The following PLEKHG2 variants were observed in gnomAD, a reference collection of about 807,000 sequenced individuals.
PLEKHG2 encodes pleckstrin homology and RhoGEF domain containing G2.
A neutral mutation model predicts 104.4 loss-of-function variants in PLEKHG2; 71 were observed. The observed-to-expected ratio is 0.68, with a 90% CI of 0.56 to 0.83. PLEKHG2 has a LOEUF of 0.83. PLEKHG2 is among the 40% of genes least tolerant of loss of function. The pLI is 0.00. For synonymous variants in PLEKHG2, 728 were observed against 737.0 expected (o/e 0.99, Z 0.20); for missense variants, 1,730 against 1,809.4 (o/e 0.96, Z 0.80).
At position 39,424,261 on chromosome 19, in the gene PLEKHG2, G is replaced by A; in HGVS notation, c.3128G>A (p.Gly1043Asp). 2 of 1,614,168 alleles carry A rather than the reference G, an allele frequency of 1.2e-6. No individual in the cohort carries two copies. Among genetic ancestry groups the A allele is most frequent in the South Asian group, 1.1e-5 (1 of 91,086 alleles). Residue 1043 changes from glycine (G) to aspartate (D), a missense_variant, in exon 19 of 19, where the codon GGT becomes GAT. Physicochemically the swap from Gly to Asp is moderately conservative, Grantham distance 94. Coordinates refer to ENST00000425673, the MANE Select transcript of PLEKHG2 (RefSeq NM_022835.3). ...SVTTPVPKQEGHLDSESPTNI... is the reference protein window; with the variant it reads ...SVTTPVPKQEDHLDSESPTNI... ...ACCACCCCTGTGCCCAAGCAAGAAG[G>A]TCACCTAGACAGCGAGAGCCCAACC...
rs111487768 is a variant in PLEKHG2 at position 39,423,362 on chromosome 19, G to A, written c.2308G>A (p.Ala770Thr). The change falls in exon 18 of 19, where the codon GCC (alanine) becomes ACC (threonine). Residue 770 changes from alanine (A) to threonine (T), a missense_variant. By Grantham distance (58) the Ala-to-Thr change is moderately conservative. Transcript: ENST00000425673. Reference protein sequence around the residue: ...AFRSCSEIRSAWQALEQGQLA... With the variant: ...AFRSCSEIRSTWQALEQGQLA... ...CCGCTCTTGCTCAGAAATCCGGAGC[G>A]CCTGGCAGGCATTGGAACAGGGACA... 13,982 of 1,613,334 alleles carry A rather than the reference G, an allele frequency of 8.7e-3. 84 individuals are homozygous for A. The highest frequency in any genetic ancestry group is 0.01 in the Non-Finnish European group (11,943 of 1,179,548).
Position 39,423,507 on chromosome 19 carries a change from G to T in PLEKHG2, c.2453G>T (p.Arg818Leu), listed in dbSNP as rs376239611. The change falls in exon 18 of 19, where the codon CGA (arginine) becomes CTA (leucine). Residue 818 changes from arginine to leucine, a missense_variant. Coordinates refer to ENST00000425673, the MANE Select transcript of PLEKHG2 (RefSeq NM_022835.3). The stretch of plus-strand genomic sequence containing the variant: ...TCAGAAAGGACGGCGTCCCGAGTGC[G>T]AGAGCTGGCCCGGCTTTACAGCGAG... Reference protein sequence around the residue: ...PSSERTASRVRELARLYSERI... With the variant: ...PSSERTASRVLELARLYSERI... 1.3e-6 allele frequency: 2 copies of T among 1,580,322 alleles called. No individual in the cohort carries two copies. The highest frequency in any genetic ancestry group is 1.7e-6 in the Non-Finnish European group (2 of 1,161,280).
chr19:39,414,724 G>A (rs890373928), intron 2 of PLEKHG2, among the ~76,000 whole-genome samples: 8 of 152,272 alleles, frequency 5.3e-5, no homozygotes, highest in African/African-American at 1.9e-4. Flanking sequence ...ACACTCACGG[G>A]AGTAATACAG....
rs766629706 is a variant in PLEKHG2 at position 39,424,432 on chromosome 19, A to T, written c.3299A>T (p.His1100Leu). ...GACACCCTACCACCCTTGCCATGTC[A>T]CCTCCCAGACCTTCAGATTCCAGGT... Reference protein sequence around the residue: ...PGDTLPPLPCHLPDLQIPGTS... With the variant: ...PGDTLPPLPCLLPDLQIPGTS... The change falls in exon 19 of 19, where the codon CAC becomes CTC. Residue 1100 changes from histidine (H) to leucine (L), a missense_variant. Physicochemically the swap from His to Leu is moderately conservative, Grantham distance 99. Coordinates refer to ENST00000425673, the MANE Select transcript of PLEKHG2 (RefSeq NM_022835.3). 6.2e-7 allele frequency: 1 copy of T among 1,613,590 alleles called. No individual in the cohort carries two copies. Among genetic ancestry groups the T allele is most frequent in the Admixed American group, 1.7e-5 (1 of 59,942 alleles).
chr19:39,415,140 C>A lies in PLEKHG2; in HGVS notation c.258C>A (p.Arg86=). The A allele has an allele frequency of 6.2e-7, 1 of 1,600,804 alleles. No individual in the cohort carries two copies. The change falls in exon 3 of 19, where the codon CGC becomes CGA. Residue 86 remains arginine, a synonymous_variant. Coordinates refer to ENST00000425673, the MANE Select transcript of PLEKHG2 (RefSeq NM_022835.3). The surrounding 1 kb of genome is among the most constrained non-coding windows in gnomAD (Gnocchi z 4.6). ...RPEPLPGPPI[R]LHLSPVGIPG... is the part of the protein sequence containing the mutation. ...AGCCCCTTCCAGGGCCTCCCATCCG[C>A]CTACATCTCTCTCCGGTGGGGATCC...
At chr19:39,422,361 C>A in intron 17 of PLEKHG2, 73 bp downstream of exon 17, 3 of 1,470,826 alleles carry the variant, frequency 2.0e-6, no homozygotes, top group South Asian at 1.3e-5. Context: ...CCAGATAGGC[C>A]AGCCCATGCT....
chr19:39,416,736 C>A lies in PLEKHG2; in HGVS notation c.594-114C>A. ...GTGACAGTAACTGACCTCTCCCTCA[C>A]TGCCCCGCCCCCTGTCAGACCCTGA... is the stretch of plus-strand genomic sequence containing the variant. On this transcript the variant is annotated intron_variant, in intron 6 of 18. Transcript: ENST00000425673. This position sits in a 1 kb window ranked among gnomAD's most constrained non-coding sequence, Gnocchi z 4.5. 1.4e-6 allele frequency: 2 copies of A among 1,466,352 alleles called. No homozygotes were observed. Among genetic ancestry groups the A allele is most frequent in the South Asian group, 1.2e-5 (1 of 80,336 alleles). The allele number at this position is 1,466,352 out of a possible 1,614,324, so 90.8% of individuals were successfully genotyped here. A position where few individuals can be genotyped will look rare whatever the true frequency, so the allele number is the denominator to read the frequency against.
In PLEKHG2 at chr19:39,413,535, G is replaced by A. The variant is rs1334805248; in HGVS notation, c.-23+123G>A. ...CCGGCGGGAGTTGGGGGCTGGAGGG[G>A]TGTGGGAAGGCGCTGGGGAGGCTGT... On this transcript the variant is annotated intron_variant, in intron 1 of 18. Coordinates refer to ENST00000425673, the MANE Select transcript of PLEKHG2 (RefSeq NM_022835.3). The surrounding 1 kb of genome is among the most constrained non-coding windows in gnomAD (Gnocchi z 4.5). 1 of 152,354 alleles carries A rather than the reference G, an allele frequency of 6.6e-6. No individual in the cohort carries two copies. Among genetic ancestry groups the A allele is most frequent in the African/African-American group, 2.4e-5 (1 of 41,422 alleles). 9.4% of individuals were successfully genotyped at this position (152,354 alleles called of 1,614,324 possible). A position where few individuals can be genotyped will look rare whatever the true frequency, so the allele number is the denominator to read the frequency against.
At chr19:39,417,355 G>T (rs2078622738) in intron 7 of PLEKHG2, among the ~76,000 whole-genome samples, 200 bp from the exon 8 acceptor site, 1 of 151,586 alleles carries the variant, frequency 6.6e-6, no homozygotes, top group South Asian at 2.1e-4. Context: ...GTTTCACTAC[G>T]TTGGCCGGGC....
chr19:39,422,959 T>G lies in PLEKHG2; in HGVS notation c.1905T>G (p.Ile635Met), dbSNP rs931147278. Residue 635 changes from isoleucine (I) to methionine (M), a missense_variant, in exon 18 of 19, where the codon ATT becomes ATG. Ile to Met is a conservative substitution (Grantham distance 10). Transcript: ENST00000425673. ...CCAGCATTCCCTGCCTTACCAAAAT[T>G]CCTGACGTGCCCAACCTTCCTGAAA... is the stretch of plus-strand genomic sequence containing the variant. ...EMPSIPCLTK[I>M]PDVPNLPEIP... is the part of the protein sequence containing the mutation. The G allele has an allele frequency of 6.2e-7, 1 of 1,614,008 alleles. No individual in the cohort carries two copies. Among genetic ancestry groups the G allele is most frequent in the African/African-American group, 1.3e-5 (1 of 74,912 alleles).
chr19:39,427,823 G>A lies in PLEKHG2; in HGVS notation c.*2529G>A, dbSNP rs2146033156. The stretch of plus-strand genomic sequence containing the variant: ...AGGAAACTGAGGCAGGCACAGAGAG[G>A]CTAAGGGATTTGCCTAGTCGCACAG... On this transcript the variant is annotated 3_prime_UTR_variant, in exon 19 of 19. Coordinates refer to ENST00000425673, the MANE Select transcript of PLEKHG2 (RefSeq NM_022835.3). 6.5e-6 allele frequency: 1 copy of A among 153,094 alleles called. No individual in the cohort carries two copies. The allele number at this position is 153,094 out of a possible 1,614,324, so 9.5% of individuals were successfully genotyped here.
rs1241678549 is a variant in PLEKHG2, at chr19:39,423,800, G to A, written c.2667G>A (p.Glu889=). Residue 889 remains glutamate, a synonymous_variant, in exon 19 of 19, where the codon GAG becomes GAA. Coordinates refer to ENST00000425673, the MANE Select transcript of PLEKHG2 (RefSeq NM_022835.3). ...CCTTCCCACTGACATGTGCCCAGGAGTCTGTCCCCCTGGGTCCTGCTGTCT... is the reference window on the plus strand; with the variant it reads ...CCTTCCCACTGACATGTGCCCAGGAATCTGTCCCCCTGGGTCCTGCTGTCT... ...ELAFPLTCAQ[E]SVPLGPAVWV... 2.5e-6 allele frequency: 4 copies of A among 1,614,104 alleles called. No individual in the cohort carries two copies. Among genetic ancestry groups the A allele is most frequent in the Middle Eastern group, 1.6e-4 (1 of 6,084 alleles).
chr19:39,424,805 G>A lies in PLEKHG2; in HGVS notation c.3672G>A (p.Gln1224=). ...LPERGGSLDI[Q]GLSPTPVQTT... ...AGAGAGGAGGCTCTCTAGACATTCA[G>A]GGCCTCTCACCCACCCCAGTTCAGA... is the stretch of plus-strand genomic sequence containing the variant. Residue 1224 remains glutamine, a synonymous_variant, in exon 19 of 19, where the codon CAG becomes CAA. Coordinates refer to ENST00000425673, the MANE Select transcript of PLEKHG2 (RefSeq NM_022835.3). The A allele has an allele frequency of 6.8e-6, 11 of 1,614,164 alleles. No homozygotes were observed. Among genetic ancestry groups the A allele is most frequent in the Non-Finnish European group, 9.3e-6 (11 of 1,180,022 alleles).
rs924904909 is a variant in PLEKHG2 at position 39,412,776 on chromosome 19, G to C, written c.-659G>C. On this transcript the variant is annotated 5_prime_UTR_variant, in exon 1 of 19. Transcript: ENST00000425673. ...CCGGAATTTCTGCACCGCATCCTGA[G>C]AGACCCCGAGGTCCAGACCCCGGCG... 6.6e-6 allele frequency: 1 copy of C among 152,182 alleles called. No individual in the cohort carries two copies. The highest frequency in any genetic ancestry group is 1.5e-5 in the Non-Finnish European group (1 of 68,024). 9.4% of individuals were successfully genotyped at this position (152,182 alleles called of 1,614,324 possible).
In PLEKHG2 at chr19:39,417,599, C is replaced by A. The variant is rs759041640; in HGVS notation, c.789C>A (p.Arg263=). 4 of 1,613,972 alleles carry A rather than the reference C, an allele frequency of 2.5e-6. No individual in the cohort carries two copies. Among genetic ancestry groups the A allele is most frequent in the Non-Finnish European group, 3.4e-6 (4 of 1,180,034 alleles). ...HWAEGPGTGG[R]EMVEEAIVSM... ...CGGAGGGCCCAGGCACTGGGGGTCG[C>A]GAGATGGTGGAGGAAGCTATTGTGT... The change falls in exon 8 of 19, where the codon CGC becomes CGA. Residue 263 remains arginine (R), a synonymous_variant. Coordinates refer to ENST00000425673, the MANE Select transcript of PLEKHG2 (RefSeq NM_022835.3).
Position 39,425,739 on chromosome 19 carries a change from A to C in PLEKHG2, c.*445A>C. The C allele has an allele frequency of 4.4e-6, 1 of 224,792 alleles. No individual in the cohort carries two copies. Among genetic ancestry groups the C allele is most frequent in the Non-Finnish European group, 8.6e-6 (1 of 116,386 alleles). The allele number at this position is 224,792 out of a possible 1,614,324, so 13.9% of individuals were successfully genotyped here. A position where few individuals can be genotyped will look rare whatever the true frequency, so the allele number is the denominator to read the frequency against. ...GCTTTGCTTCAAGTAGACACTAGAA[A>C]TCCATTCCCTTGGCAATTTATACAG... On this transcript the variant is annotated 3_prime_UTR_variant, in exon 19 of 19. Coordinates refer to ENST00000425673, the MANE Select transcript of PLEKHG2 (RefSeq NM_022835.3).
At chr19:39,419,653 G>A (rs1392379952) in intron 11 of PLEKHG2, among the ~76,000 whole-genome samples, 4 of 152,044 alleles carry the variant, frequency 2.6e-5, no homozygotes, top group African/African-American at 4.8e-5. Flanking sequence ...CGAGGCGGGC[G>A]GATCACGAGG....
In PLEKHG2 at chr19:39,417,949, T is replaced by C. The variant is rs1354112675; in HGVS notation, c.927T>C (p.Ser309=). 1.9e-6 allele frequency: 3 copies of C among 1,543,598 alleles called. No individual in the cohort carries two copies. The highest frequency in any genetic ancestry group is 2.6e-6 in the Non-Finnish European group (3 of 1,145,618). Residue 309 remains serine, a synonymous_variant, in exon 9 of 19, where the codon AGT becomes AGC. Coordinates refer to ENST00000425673, the MANE Select transcript of PLEKHG2 (RefSeq NM_022835.3). ...RLGGWTGPEL[S]AFGELVLEGA... ...GTGGCTGGACCGGACCAGAGCTCAGTGCTTTTGGGGAACTGGTGTTGGAGG... is the reference window on the plus strand; with the variant it reads ...GTGGCTGGACCGGACCAGAGCTCAGCGCTTTTGGGGAACTGGTGTTGGAGG...
At chr19:39,422,391 T>A (rs1321223196) in intron 17 of PLEKHG2, 103 bp downstream of exon 17, 5 of 1,278,100 alleles carry the variant, frequency 3.9e-6, no homozygotes, top group Admixed American at 2.8e-5. Context: ...ATTTTTTTTT[T>A]ATTTGAGATG....
Sources: allele counts gnomAD v4.1 joint callset (sites outside exome capture counted in the v4.1 genomes callset), GRCh38; gene constraint gnomAD v4.1.1; non-coding constraint Gnocchi (gnomAD v3.1); transcripts MANE v1.5; gene names NCBI Gene and HGNC (gene_info 2026-07-23, HGNC 2026-07-21).